The following FANCA variants were observed in gnomAD, a reference collection of about 807,000 sequenced individuals.
The protein encoded by FANCA is FA complementation group A.
Under a neutral mutation model 194.3 loss-of-function variants are expected in FANCA, and 236 were observed. That is an observed-to-expected ratio of 1.21 (90% CI 1.09 to 1.35). The LOEUF (loss-of-function observed/expected upper bound fraction) is 1.35. FANCA is among the 40% of genes most tolerant of loss of function. The pLI, the probability that FANCA is intolerant of heterozygous loss-of-function variation, is 0.00. For synonymous variants in FANCA, 1,014 were observed against 715.8 expected (o/e 1.42, Z -6.65); for missense variants, 2,628 against 1,813.9 (o/e 1.45, Z -8.15).
chr16:89,755,208 A>G (rs2038727593), intron 30 of FANCA, among the ~76,000 whole-genome samples: 1 of 151,244 alleles, frequency 6.6e-6, no homozygotes, highest in Non-Finnish European at 1.5e-5. Flanking sequence ...GACCTCACAC[A>G]ACAATTTTTT....
rs1456065737 is a variant in FANCA at position 89,741,237 on chromosome 16, G to C, written c.3766-371C>G. Among the ~76,000 whole-genome samples the C allele has an allele frequency of 2.0e-5, 3 of 152,312 alleles. No individual in the cohort carries two copies. In the East Asian group the frequency reaches 5.8e-4, roughly 29 times the overall value. On this transcript the variant is annotated intron_variant, in intron 37 of 42. Coordinates refer to ENST00000389301, the MANE Select transcript of FANCA (RefSeq NM_000135.4). The stretch of plus-strand genomic sequence containing the variant: ...CTTGAAGATAAGCCCACAGGCTCCA[G>C]CCTAAAGTAGGGCCTGACTGGGCAG...
intron 6 of FANCA, 66 bp from the exon 7 acceptor site, chr16:89,805,458 G>T: frequency 7.5e-7 from 1 of 1,328,782 alleles, no homozygotes; most frequent in East Asian, 2.4e-5. Flanking sequence ...ATTGAGTTGA[G>T]CCATATGTCC....
chr16:89,816,488 G>A, intron 1 of FANCA, 49 bp downstream of exon 1: 5 of 1,441,300 alleles, frequency 3.5e-6, no homozygotes, highest in Non-Finnish European at 4.6e-6. Context: ...CGGCGAAACC[G>A]TCCCGGGCCG....
intron 7 of FANCA, among the ~76,000 whole-genome samples, chr16:89,803,552 C>T (rs1047800574): frequency 6.6e-6 from 1 of 152,154 alleles, no homozygotes; most frequent in Non-Finnish European, 1.5e-5. Context: ...CAATCAGGAC[C>T]CTTAGATGAA....
At chr16:89,806,278 T>A (rs1458442479) in intron 6 of FANCA, among the ~76,000 whole-genome samples, 1 of 151,904 alleles carries the variant, frequency 6.6e-6, no homozygotes, top group African/African-American at 2.4e-5. Context: ...CACACTCTGC[T>A]ACTACTGGGT....
Position 89,768,720 on chromosome 16 carries a change from T to C in FANCA, c.2504+1117A>G, listed in dbSNP as rs753144451. Among the ~76,000 whole-genome samples the C allele has an allele frequency of 1.9e-4, 29 of 152,200 alleles. No individual in the cohort carries two copies. The Middle Eastern group carries it at 0.014, about 71-fold the overall frequency. On this transcript the variant is annotated intron_variant, in intron 26 of 42. Transcript: ENST00000389301. ...AAACACACACCAAATATATATTTCA[T>C]TCTCCCTTTCTTATGCAAAAAGTAG...
rs1341216114 is a variant in FANCA at position 89,808,352 on chromosome 16, C to T, written c.538G>A (p.Glu180Lys). 5 of 1,614,164 alleles carry T rather than the reference C, an allele frequency of 3.1e-6. No homozygotes were observed. The highest frequency in any genetic ancestry group is 1.7e-5 in the Admixed American group (1 of 60,012). Residue 180 changes from glutamate to lysine, a missense_variant, in exon 6 of 43, where the codon GAA becomes AAA. Transcript: ENST00000389301. The stretch of plus-strand genomic sequence containing the variant: ...TGTACGTGAAGATGCCACACCGCTT[C>T]AAGCAACAAAGAACTCTGAAAAACA... ...LWKIQSSLLL[E>K]AVWHLHVQGI...
At chr16:89,792,825 C>T in intron 11 of FANCA, 1 of 399,676 alleles carries the variant, frequency 2.5e-6, no homozygotes, top group South Asian at 2.1e-5. Flanking sequence ...GAGTGTGAGT[C>T]ATCTCCAATG....
chr16:89,751,243 G>A (rs1349282496), intron 31 of FANCA, among the ~76,000 whole-genome samples: 1 of 152,084 alleles, frequency 6.6e-6, no homozygotes, highest in Non-Finnish European at 1.5e-5. Flanking sequence ...GCTCACGCCT[G>A]TAATCCAACA....
intron 33 of FANCA, 42 bp from the exon 34 acceptor site, chr16:89,746,932 G>C (rs763698680): frequency 2.0e-6 from 3 of 1,524,718 alleles, no homozygotes; most frequent in Non-Finnish European, 2.7e-6. Context: ...CCCACAGGAA[G>C]AGAGGCGAGA....
chr16:89,808,069 AGAC>A (rs748093852), intron 6 of FANCA, among the ~76,000 whole-genome samples: 4 of 150,370 alleles, frequency 2.7e-5, no homozygotes, highest in Non-Finnish European at 5.9e-5. Context: ...AAAAAAAAAC[AGAC>A]AAAAAGCAAA....
At chr16:89,805,994 C>T (rs1598178601) in intron 6 of FANCA, among the ~76,000 whole-genome samples, 3 of 152,052 alleles carry the variant, frequency 2.0e-5, no homozygotes, top group African/African-American at 7.2e-5. Context: ...CTCACTACAA[C>T]CTCCGCCTCC....
rs746735743 is a variant in FANCA at position 89,761,979 on chromosome 16, G to T, written c.2822C>A (p.Pro941His). Residue 941 changes from proline to histidine, a missense_variant, in exon 29 of 43, where the codon CCT (proline) becomes CAT (histidine). Coordinates refer to ENST00000389301, the MANE Select transcript of FANCA (RefSeq NM_000135.4). ...AGTATCTGAAAGAGCATCAGCTTCA[G>T]GTTGAATTTCCAGCTCCAGGTGTAA... is the stretch of plus-strand genomic sequence containing the variant. ...DWLHLELEIQ[P>H]EADALSDTER... 14 of 1,614,054 alleles carry T rather than the reference G, an allele frequency of 8.7e-6. No homozygotes were observed. Among genetic ancestry groups the T allele is most frequent in the Non-Finnish European group, 1.0e-5 (12 of 1,179,954 alleles).
chr16:89,798,088 G>A (rs1361349825), intron 10 of FANCA, among the ~76,000 whole-genome samples: 2 of 152,120 alleles, frequency 1.3e-5, no homozygotes, highest in Admixed American at 1.3e-4. Context: ...CTCTCAAGGT[G>A]GGGTGTTGAT....
intron 28 of FANCA, among the ~76,000 whole-genome samples, chr16:89,763,046 G>C (rs557679761): frequency 4.5e-4 from 68 of 151,196 alleles, no homozygotes; most frequent in Non-Finnish European, 7.8e-4. Flanking sequence ...AGGAGATTGA[G>C]ACCATCCTGG....
At chr16:89,758,527 C>G (rs1462035127) in intron 30 of FANCA, 50 bp downstream of exon 30, 1 of 1,601,074 alleles carries the variant, frequency 6.2e-7, no homozygotes, top group Non-Finnish European at 8.5e-7. Flanking sequence ...TATATATATC[C>G]TATTAGTCCT....
intron 27 of FANCA, 50 bp downstream of exon 27, chr16:89,767,091 A>G (rs2039154353): frequency 6.9e-7 from 1 of 1,453,418 alleles, no homozygotes; most frequent in African/African-American, 1.4e-5. Flanking sequence ...AAAGCTGCGT[A>G]AACCTGAAAC....
At chr16:89,760,132 C>T (rs1301293943) in intron 29 of FANCA, among the ~76,000 whole-genome samples, 1 of 152,260 alleles carries the variant, frequency 6.6e-6, no homozygotes, top group Non-Finnish European at 1.5e-5. Flanking sequence ...ACAACTTCCA[C>T]GCAGCGGTGA....
intron 26 of FANCA, among the ~76,000 whole-genome samples, chr16:89,769,040 T>A (rs1330958788): frequency 6.6e-6 from 1 of 152,160 alleles, no homozygotes; most frequent in African/African-American, 2.4e-5. Context: ...AGGTGTGGGA[T>A]CCGCACAGCT....
Sources: allele counts gnomAD v4.1 joint callset (sites outside exome capture counted in the v4.1 genomes callset), GRCh38; gene constraint gnomAD v4.1.1; transcripts MANE v1.5; gene names NCBI Gene and HGNC (gene_info 2026-07-23, HGNC 2026-07-21).